Variants in BMAL2 observed in about 807,000 individuals in gnomAD.
BMAL2 encodes the protein basic helix-loop-helix ARNT like 2.
chr12:27,377,936 T>G, the BMAL2 span, among the ~76,000 whole-genome samples: 1 of 148,170 alleles, frequency 6.7e-6, no homozygotes, highest in African/African-American at 2.5e-5. Flanking sequence ...CCTTCATCGG[T>G]GTTCCTCCCT....
chr12:27,359,738 G>T, the BMAL2 span, among the ~76,000 whole-genome samples: 1 of 152,134 alleles, frequency 6.6e-6, no homozygotes, highest in African/African-American at 2.4e-5. Flanking sequence ...TAGGGATAAA[G>T]ATAAAGAAGT....
the BMAL2 span, among the ~76,000 whole-genome samples, chr12:27,366,999 G>A: frequency 9.2e-5 from 14 of 152,124 alleles, no homozygotes; most frequent in East Asian, 1.3e-3. Flanking sequence ...CTGAAACTGC[G>A]GATAATACCA....
chr12:27,350,987 A>G, the BMAL2 span, among the ~76,000 whole-genome samples: 6 of 57,514 alleles, frequency 1.0e-4, no homozygotes, highest in Admixed American at 5.5e-4. Flanking sequence ...GACCCCACCC[A>G]CCCCCCCTTT....
chr12:27,358,267 A>G, the BMAL2 span, among the ~76,000 whole-genome samples: 3 of 152,142 alleles, frequency 2.0e-5, no homozygotes, highest in African/African-American at 7.2e-5. Flanking sequence ...AAGATATACA[A>G]ATGGCCAACA....
At chr12:27,404,811 C>T in the BMAL2 span, among the ~76,000 whole-genome samples, 1 of 152,186 alleles carries the variant, frequency 6.6e-6, no homozygotes, top group Non-Finnish European at 1.5e-5. Context: ...GGCATCGCCT[C>T]ACCCGGAAAG....
the BMAL2 span, among the ~76,000 whole-genome samples, chr12:27,380,655 T>G: frequency 6.6e-6 from 1 of 152,326 alleles, no homozygotes; most frequent in Non-Finnish European, 1.5e-5. Context: ...TTTACATTTC[T>G]TCTTCACATA....
the BMAL2 span, among the ~76,000 whole-genome samples, chr12:27,364,060 C>T: frequency 6.6e-6 from 1 of 152,156 alleles, no homozygotes; most frequent in Non-Finnish European, 1.5e-5. Context: ...CCATCTGCTT[C>T]TACGATGGTA....
chr12:27,364,118 G>C, the BMAL2 span, among the ~76,000 whole-genome samples: 1 of 152,228 alleles, frequency 6.6e-6, no homozygotes, highest in East Asian at 1.9e-4. Flanking sequence ...GGAATGGACG[G>C]GACAAACTTG....
chr12:27,402,933 T>C, the BMAL2 span, among the ~76,000 whole-genome samples: 1 of 152,218 alleles, frequency 6.6e-6, no homozygotes, highest in Non-Finnish European at 1.5e-5. Flanking sequence ...TTTTCTGTTA[T>C]AATCTTGCAT....
chr12:27,364,849 A>G, the BMAL2 span, among the ~76,000 whole-genome samples: 1 of 152,122 alleles, frequency 6.6e-6, no homozygotes, highest in Non-Finnish European at 1.5e-5. Context: ...TAAAGACCTT[A>G]TACATTTATT....
chr12:27,339,059 A>G, the BMAL2 span, among the ~76,000 whole-genome samples: 2 of 152,134 alleles, frequency 1.3e-5, no homozygotes, highest in African/African-American at 4.8e-5. Context: ...TCATCATCCA[A>G]GTATTAAGCC....
the BMAL2 span, among the ~76,000 whole-genome samples, chr12:27,344,769 A>G: frequency 6.6e-6 from 1 of 152,244 alleles, no homozygotes; most frequent in Non-Finnish European, 1.5e-5. Flanking sequence ...TGTAGCCAAG[A>G]TGACATAGCA....
the BMAL2 span, among the ~76,000 whole-genome samples, chr12:27,392,668 G>C: frequency 6.8e-6 from 1 of 147,960 alleles, no homozygotes; most frequent in Non-Finnish European, 1.5e-5. Flanking sequence ...AATCTACACA[G>C]AAATCCGTAA....
the BMAL2 span, among the ~76,000 whole-genome samples, chr12:27,407,885 G>T: frequency 6.6e-6 from 1 of 152,176 alleles, no homozygotes; most frequent in South Asian, 2.1e-4. Flanking sequence ...GAATCAAATA[G>T]ATGCAATAAA....
chr12:27,345,011 C>T, the BMAL2 span, among the ~76,000 whole-genome samples: 2 of 152,216 alleles, frequency 1.3e-5, no homozygotes, highest in African/African-American at 4.8e-5. Context: ...CTTGGTCATT[C>T]CTGTTCATGG....
At chr12:27,355,376 A>G in the BMAL2 span, among the ~76,000 whole-genome samples, 1 of 152,156 alleles carries the variant, frequency 6.6e-6, no homozygotes, top group Non-Finnish European at 1.5e-5. Context: ...CCAAGTCTGA[A>G]CTTCTCTCTG....
At chr12:27,404,215 AT>A in the BMAL2 span, among the ~76,000 whole-genome samples, 57 of 137,622 alleles carry the variant, frequency 4.1e-4, no homozygotes, top group Admixed American at 5.2e-4. Flanking sequence ...ACCACCATGC[AT>A]TTTTTTTTTT....
chr12:27,383,556 C>G, the BMAL2 span, among the ~76,000 whole-genome samples: 3,350 of 152,246 alleles, frequency 0.022, 125 homozygotes, highest in African/African-American at 0.076. Context: ...CTCACCGAGT[C>G]AGGGCTCGCC....
chr12:27,342,563 A>G, the BMAL2 span, among the ~76,000 whole-genome samples: 1 of 152,258 alleles, frequency 6.6e-6, no homozygotes, highest in African/African-American at 2.4e-5. Context: ...CCAGACTAAT[A>G]ATTGTTTTGT....
Sources: allele counts gnomAD v4.1 joint callset (sites outside exome capture counted in the v4.1 genomes callset), GRCh38; gene constraint gnomAD v4.1.1; transcripts MANE v1.5; gene names NCBI Gene and HGNC (gene_info 2026-07-23, HGNC 2026-07-21).